The following UTP20 variants were observed in gnomAD, a reference collection of about 807,000 sequenced individuals.
UTP20 encodes the protein UTP20 small subunit processome component, also known as small subunit processome component 20 homolog.
In UTP20, 164 loss-of-function variants were observed where a neutral mutation model predicts 329.5. That is an observed-to-expected ratio of 0.50 (90% CI 0.44 to 0.57). The LOEUF (loss-of-function observed/expected upper bound fraction) is 0.57, where lower values mean the gene tolerates loss of function less well. Among genes scored for constraint, UTP20 ranks in the 20% least tolerant of loss-of-function variants. The probability of loss-of-function intolerance (pLI) is 0.00; values close to 1 mark genes in which losing one functional copy is unlikely to be tolerated. For missense variants in UTP20, 3,055 were observed against 3,284.2 expected, an observed-to-expected ratio of 0.93 and a Z score of 1.71; for synonymous variants, 1,151 against 1,159.3, an observed-to-expected ratio of 0.99 and a Z score of 0.14.
At chr12:101,355,788 A>G (rs1451170698) in intron 41 of UTP20, among the ~76,000 whole-genome samples, 1 of 152,110 alleles carries the variant, frequency 6.6e-6, no homozygotes, top group Non-Finnish European at 1.5e-5. Flanking sequence ...GTAAATATTT[A>G]TTTATATTTT....
At chr12:101,331,986 T>C (rs1222172366) in intron 27 of UTP20, among the ~76,000 whole-genome samples, 1 of 152,054 alleles carries the variant, frequency 6.6e-6, no homozygotes, top group African/African-American at 2.4e-5. Flanking sequence ...TAATACCCAG[T>C]AGAAATCTGC....
rs1869939340 is a variant in UTP20, at chr12:101,362,000, A to G, written c.5730A>G (p.Gln1910=). The G allele has an allele frequency of 1.2e-6, 2 of 1,613,678 alleles. No homozygotes were observed. Among genetic ancestry groups the G allele is most frequent in the South Asian group, 1.1e-5 (1 of 91,086 alleles). The change falls in exon 44 of 62, where the codon CAA becomes CAG. Residue 1910 remains glutamine, a synonymous_variant. Transcript: ENST00000261637. ...CTTTCACCGTTCACATGCTGCTGCA[A>G]GGCCTCACCAATAAGCTGCAGGTCG... ...VLTFTVHMLL[Q]GLTNKLQVGD... is the part of the protein sequence containing the mutation.
At position 101,299,717 on chromosome 12, in the gene UTP20, G is replaced by C. The variant is rs1872465222; in HGVS notation, c.1466G>C (p.Gly489Ala). 6.2e-7 allele frequency: 1 copy of C among 1,602,238 alleles called. No individual in the cohort carries two copies. The highest frequency in any genetic ancestry group is 1.8e-5 in the Admixed American group (1 of 57,130). Residue 489 changes from glycine to alanine, a missense_variant, in exon 13 of 62, where the codon GGA (glycine) becomes GCA (alanine). Gly to Ala is a moderately conservative substitution (Grantham distance 60). This residue lies in a region of UTP20 where 2,445 missense variants were observed against 2,575.5 expected (regional missense o/e 0.95). Coordinates refer to ENST00000261637, the MANE Select transcript of UTP20 (RefSeq NM_014503.3). ...YIKQKKTRSK[G>A]RNEQFPVLDH... ...AAGCAGAAGAAGACTAGATCCAAGG[G>C]AAGAAACGAACAGTTTCCAGTATTG...
In UTP20 at chr12:101,374,890, C is replaced by G. The variant is rs1168176507; in HGVS notation, c.7214C>G (p.Thr2405Ser). 2.5e-6 allele frequency: 4 copies of G among 1,607,900 alleles called. No individual in the cohort carries two copies. Among genetic ancestry groups the G allele is most frequent in the Non-Finnish European group, 3.4e-6 (4 of 1,174,418 alleles). Residue 2405 changes from threonine to serine, a missense_variant, in exon 55 of 62, where the codon ACT becomes AGT. Physicochemically the swap from Thr to Ser is moderately conservative, Grantham distance 58 (BLOSUM62 1). Transcript: ENST00000261637. ...EGVDFEKRLGTVLPVIEKEID... is the reference protein window; with the variant it reads ...EGVDFEKRLGSVLPVIEKEID... ...GTTGATTTTGAGAAAAGACTTGGAA[C>G]TGTCCTTCCTGTGATTGAAAAGGAA... is the stretch of plus-strand genomic sequence containing the variant.
chr12:101,356,870 AT>A, intron 42 of UTP20, 55 bp from the exon 43 acceptor site: 4 of 1,552,082 alleles, frequency 2.6e-6, no homozygotes, highest in Non-Finnish European at 3.5e-6. Flanking sequence ...GGATATGTGT[AT>A]GTTTAATTGC....
In UTP20 at chr12:101,305,957, C is replaced by T. The variant is rs1271362435; in HGVS notation, c.1824C>T (p.Leu608=). Residue 608 remains leucine, a synonymous_variant, in exon 16 of 62, where the codon CTC becomes CTT. Transcript: ENST00000261637. ...LEPSVLLLTD[L]YYQRLALCGC... is the part of the protein sequence containing the mutation. ...CATCTGTGTTGCTGTTGACTGATCT[C>T]TATTATCAGAGATTAGCCTTGTGTG... 3.1e-6 allele frequency: 5 copies of T among 1,613,506 alleles called. No homozygotes were observed. Among genetic ancestry groups the T allele is most frequent in the Non-Finnish European group, 4.2e-6 (5 of 1,179,798 alleles).
At chr12:101,290,556 C>T (rs945921852) in intron 7 of UTP20, among the ~76,000 whole-genome samples, 177 bp from the exon 8 acceptor site, 8 of 152,176 alleles carry the variant, frequency 5.3e-5, no homozygotes, top group African/African-American at 1.9e-4. Context: ...TGATAAAATT[C>T]CCATCCTAGT....
chr12:101,300,977 C>T (rs954565190), intron 14 of UTP20, among the ~76,000 whole-genome samples: 1 of 152,100 alleles, frequency 6.6e-6, no homozygotes, highest in Non-Finnish European at 1.5e-5. Context: ...AAGGACCAGA[C>T]AGTAAATGTT....
intron 36 of UTP20, among the ~76,000 whole-genome samples, chr12:101,345,005 G>A (rs903681769): frequency 1.4e-4 from 19 of 135,824 alleles, no homozygotes; most frequent in African/African-American, 5.1e-4. Context: ...GACTACAGTG[G>A]CGTGATCTTG....
intron 29 of UTP20, 65 bp downstream of exon 29, chr12:101,334,569 TC>T: frequency 7.5e-7 from 1 of 1,335,938 alleles, no homozygotes; most frequent in South Asian, 1.3e-5. Context: ...GTTAAAGCAG[TC>T]CAGGAAACTA....
At chr12:101,320,977 C>A (rs754154924) in intron 24 of UTP20, 40 bp downstream of exon 24, 2 of 1,539,776 alleles carry the variant, frequency 1.3e-6, no homozygotes, top group South Asian at 1.2e-5. Context: ...ATTTCTTCAG[C>A]TGATTTTTAT....
chr12:101,360,619 G>A (rs1392614492), intron 43 of UTP20, among the ~76,000 whole-genome samples: 2 of 152,134 alleles, frequency 1.3e-5, no homozygotes, highest in African/African-American at 4.8e-5. Context: ...GAGGTCAGGA[G>A]TTCAAGACCA....
At chr12:101,317,143 A>C (rs568989637) in intron 21 of UTP20, among the ~76,000 whole-genome samples, 4 of 152,228 alleles carry the variant, frequency 2.6e-5, no homozygotes, top group Non-Finnish European at 5.9e-5. Flanking sequence ...TTAATCATTT[A>C]ATATCATCCA....
At chr12:101,322,935 CA>C (rs1200729123) in intron 25 of UTP20, among the ~76,000 whole-genome samples, 3 of 152,082 alleles carry the variant, frequency 2.0e-5, no homozygotes, top group African/African-American at 7.2e-5. Context: ...TTTATAATCT[CA>C]AAAACAATAG....
chr12:101,320,715 T>G, intron 23 of UTP20, 137 bp from the exon 24 acceptor site: 1 of 560,276 alleles, frequency 1.8e-6, no homozygotes, highest in Non-Finnish European at 2.9e-6. Flanking sequence ...GTGAAGCTGT[T>G]GTTAGCAATC....
Position 101,286,414 on chromosome 12 carries a change from G to A in UTP20, c.420G>A (p.Gln140=). 6.2e-7 allele frequency: 1 copy of A among 1,613,768 alleles called. No individual in the cohort carries two copies. Among genetic ancestry groups the A allele is most frequent in the South Asian group, 1.1e-5 (1 of 91,026 alleles). ...CTATCACCTCGATCCTGGAGACTCA[G>A]GACACAGAGTTGTTAGAATGGGCTT... ...FLTITSILET[Q]DTELLEWAFT... Residue 140 remains glutamine, a synonymous_variant, in exon 5 of 62, where the codon CAG becomes CAA. Transcript: ENST00000261637.
intron 41 of UTP20, among the ~76,000 whole-genome samples, chr12:101,356,113 A>G (rs1475470359): frequency 1.3e-5 from 2 of 152,102 alleles, no homozygotes; most frequent in Admixed American, 6.6e-5. Flanking sequence ...CTATAGAAAG[A>G]GCTGTTTTTC....
chr12:101,319,411 G>A (rs1212274764), intron 22 of UTP20, 134 bp from the exon 23 acceptor site: 3 of 618,040 alleles, frequency 4.9e-6, no homozygotes, highest in Non-Finnish European at 8.0e-6. Flanking sequence ...AAATAACTAA[G>A]CCTTGTTTAT....
chr12:101,333,845 G>A (rs890803415), intron 28 of UTP20, among the ~76,000 whole-genome samples: 2 of 152,166 alleles, frequency 1.3e-5, no homozygotes, highest in Non-Finnish European at 2.9e-5. Context: ...TGTATTTTTA[G>A]TAGAGATGGA....
Sources: gnomAD v4.1 joint callset for allele counts (sites outside exome capture counted in the v4.1 genomes callset) on GRCh38, gnomAD v4.1.1 for gene constraint, gnomAD v4.1.1 regional missense constraint, MANE v1.5 for transcripts, NCBI Gene and HGNC (gene_info 2026-07-23, HGNC 2026-07-21) for gene names.